SLC6A11: variants seen among roughly 807,000 people sequenced by gnomAD.
SLC6A11 encodes the protein sodium- and chloride-dependent GABA transporter 3.
A neutral mutation model predicts 74.8 loss-of-function variants in SLC6A11; 25 were observed. The observed-to-expected ratio is 0.33, with a 90% confidence interval of 0.24 to 0.47. SLC6A11 has a LOEUF of 0.47. Among genes scored for constraint, SLC6A11 ranks in the 20% least tolerant of loss-of-function variants. The probability of loss-of-function intolerance (pLI) is 1.00; values close to 1 mark genes in which losing one functional copy is unlikely to be tolerated. For missense variants in SLC6A11, 574 were observed against 837.0 expected (o/e 0.69, Z 3.88); for synonymous variants, 330 against 330.2 (o/e 1.00, Z 0.01).
At chr3:10,844,480 G>A in intron 5 of SLC6A11, 134 bp downstream of exon 5, 1 of 1,051,816 alleles carries the variant, frequency 9.5e-7, no homozygotes. Context: ...CACTGGACCA[G>A]AGTGAGCTCT....
At chr3:10,820,217 A>G (rs1035221115) in intron 3 of SLC6A11, among the ~76,000 whole-genome samples, 4 of 152,242 alleles carry the variant, frequency 2.6e-5, no homozygotes, top group African/African-American at 7.2e-5. Context: ...TCTAGTGTCA[A>G]GTTTTCCCCT....
intron 5 of SLC6A11, among the ~76,000 whole-genome samples, chr3:10,859,327 T>C (rs554776250): frequency 6.6e-6 from 1 of 152,164 alleles, no homozygotes; most frequent in Non-Finnish European, 1.5e-5. Context: ...CTGGCTTGAG[T>C]GCCCAGTGCT....
chr3:10,925,903 G>A lies in SLC6A11; in HGVS notation c.1121-101G>A. The A allele has an allele frequency of 7.1e-6, 5 of 705,984 alleles. No individual in the cohort carries two copies. In the South Asian group the frequency reaches 8.5e-5, roughly 12 times the overall value. The allele number at this position is 705,984 out of a possible 1,614,324, so 43.7% of individuals were successfully genotyped here. A position where few individuals can be genotyped will look rare whatever the true frequency, so the allele number is the denominator to read the frequency against. ...GATTTGAGTGAGAGGCAGGCACAGT[G>A]CCTGGCGCAGAGGAGGCACTCAGTA... is the stretch of plus-strand genomic sequence containing the variant. On this transcript the variant is annotated intron_variant, in intron 8 of 13. Transcript: ENST00000254488.
At chr3:10,844,066 G>A in intron 4 of SLC6A11, 148 bp from the exon 5 acceptor site, 2 of 829,294 alleles carry the variant, frequency 2.4e-6, no homozygotes, top group Non-Finnish European at 3.7e-6. Flanking sequence ...CCTCTTGGAG[G>A]CCCCAAGTCC....
At chr3:10,909,598 C>T (rs1033891962) in intron 6 of SLC6A11, among the ~76,000 whole-genome samples, 2 of 152,178 alleles carry the variant, frequency 1.3e-5, no homozygotes, top group Non-Finnish European at 2.9e-5. Context: ...TGGCCCAGAA[C>T]AGTGAAAGAG....
At position 10,918,732 on chromosome 3, in the gene SLC6A11, G is replaced by A. The variant is rs150926838; in HGVS notation, c.1120+279G>A. 2.5e-4 allele frequency among the ~76,000 whole-genome samples: 38 copies of A among 152,098 alleles called. No individual in the cohort carries two copies. The East Asian group carries it at 4.8e-3, about 19-fold the overall frequency. On this transcript the variant is annotated intron_variant, in intron 8 of 13. Coordinates refer to ENST00000254488, the MANE Select transcript of SLC6A11 (RefSeq NM_014229.3). This position sits in a 1 kb window ranked among gnomAD's most constrained non-coding sequence, Gnocchi z 4.5. The stretch of plus-strand genomic sequence containing the variant: ...AGCTTCACCGTCTCCCCACTAGCCC[G>A]GACCACCATCACTGCTCACCTGGAT...
chr3:10,845,322 A>AC (rs1694489785), intron 5 of SLC6A11, among the ~76,000 whole-genome samples: 1 of 151,270 alleles, frequency 6.6e-6, no homozygotes, highest in African/African-American at 2.4e-5. Flanking sequence ...ATTCCATATC[A>AC]CCCCCAATCC....
At chr3:10,883,690 GAA>G in intron 6 of SLC6A11, among the ~76,000 whole-genome samples, 1 of 152,270 alleles carries the variant, frequency 6.6e-6, no homozygotes, top group South Asian at 2.1e-4. Flanking sequence ...TGTTACCATG[GAA>G]TTGCTGCCAC....
chr3:10,873,163 C>T (rs1457729909), intron 5 of SLC6A11, among the ~76,000 whole-genome samples: 1 of 152,176 alleles, frequency 6.6e-6, no homozygotes, highest in Non-Finnish European at 1.5e-5. Context: ...CCTTCTAGGC[C>T]GCTCTTGTGC....
chr3:10,929,161 C>T (rs1304201001), intron 9 of SLC6A11, 41 bp from the exon 10 acceptor site: 7 of 1,607,230 alleles, frequency 4.4e-6, no homozygotes, highest in Non-Finnish European at 5.9e-6. Context: ...CCAGGAGCAG[C>T]CTTGTCCTTG....
At chr3:10,893,505 C>T (rs1695131298) in intron 6 of SLC6A11, among the ~76,000 whole-genome samples, 1 of 152,182 alleles carries the variant, frequency 6.6e-6, no homozygotes, top group Non-Finnish European at 1.5e-5. Flanking sequence ...TTTTTCTGAT[C>T]TGAGACTGAA....
chr3:10,820,091 G>A (rs1052973729), intron 3 of SLC6A11, among the ~76,000 whole-genome samples: 1 of 152,220 alleles, frequency 6.6e-6, no homozygotes, highest in African/African-American at 2.4e-5. Flanking sequence ...GAATGGAGAT[G>A]TTCTGTCCTC....
At chr3:10,863,327 C>T (rs1007337629) in intron 5 of SLC6A11, among the ~76,000 whole-genome samples, 1 of 152,186 alleles carries the variant, frequency 6.6e-6, no homozygotes, top group Non-Finnish European at 1.5e-5. Context: ...GACATGGGCT[C>T]ATTTAATCCT....
chr3:10,887,078 T>C (rs1298691103), intron 6 of SLC6A11, among the ~76,000 whole-genome samples: 2 of 151,590 alleles, frequency 1.3e-5, no homozygotes, highest in Non-Finnish European at 2.9e-5. Context: ...GATGGATGGA[T>C]GGATGGGCAG....
intron 4 of SLC6A11, among the ~76,000 whole-genome samples, chr3:10,827,224 C>T (rs1371331901): frequency 6.6e-6 from 1 of 152,152 alleles, no homozygotes; most frequent in Non-Finnish European, 1.5e-5. Context: ...ATCCATTTAC[C>T]TTTGCTGAAC....
At position 10,816,539 on chromosome 3, in the gene SLC6A11, A is replaced by G; in HGVS notation, c.256+18A>G. 6.4e-7 allele frequency: 1 copy of G among 1,568,012 alleles called. No individual in the cohort carries two copies. Among genetic ancestry groups the G allele is most frequent in the East Asian group, 2.5e-5 (1 of 40,668 alleles). On this transcript the variant is annotated intron_variant, in intron 1 of 13. Coordinates refer to ENST00000254488, the MANE Select transcript of SLC6A11 (RefSeq NM_014229.3). The surrounding 1 kb of genome is among the most constrained non-coding windows in gnomAD (Gnocchi z 4.2). Reference sequence around the variant, plus strand: ...CGGAGGAGGTGAGGTGATAGTGAGGAGAAGGGGAGGGGGCGCCAACCGCCC... The same window carrying G: ...CGGAGGAGGTGAGGTGATAGTGAGGGGAAGGGGAGGGGGCGCCAACCGCCC...
At chr3:10,922,176 CT>C (rs1695545018) in intron 8 of SLC6A11, among the ~76,000 whole-genome samples, 1 of 152,156 alleles carries the variant, frequency 6.6e-6, no homozygotes, top group Non-Finnish European at 1.5e-5. Context: ...GAGCACAATT[CT>C]TTTCCAGTGG....
Position 10,918,578 on chromosome 3 carries a change from C to T in SLC6A11, c.1120+125C>T. 2.8e-6 allele frequency: 3 copies of T among 1,059,588 alleles called. No individual in the cohort carries two copies. Among genetic ancestry groups the T allele is most frequent in the Non-Finnish European group, 3.9e-6 (3 of 762,976 alleles). The allele number at this position is 1,059,588 out of a possible 1,614,324, so 65.6% of individuals were successfully genotyped here. On this transcript the variant is annotated intron_variant, in intron 8 of 13. Transcript: ENST00000254488. This position sits in a 1 kb window ranked among gnomAD's most constrained non-coding sequence, Gnocchi z 4.5. The stretch of plus-strand genomic sequence containing the variant: ...TGGATTCAGGCCTCAGAAAGGGGCC[C>T]CACCATTCATCCACAATCCAGGATC...
intron 4 of SLC6A11, among the ~76,000 whole-genome samples, chr3:10,833,888 A>G (rs1394642535): frequency 2.0e-5 from 3 of 152,242 alleles, no homozygotes; most frequent in Non-Finnish European, 4.4e-5. Flanking sequence ...GATGTCTTAC[A>G]GTATAGAACA....
Sources: allele counts gnomAD v4.1 joint callset (sites outside exome capture counted in the v4.1 genomes callset), GRCh38; gene constraint gnomAD v4.1.1; non-coding constraint Gnocchi (gnomAD v3.1); transcripts MANE v1.5; gene names NCBI Gene and HGNC (gene_info 2026-07-23, HGNC 2026-07-21).